The following MTMR7 variants were observed in gnomAD, a reference collection of about 807,000 sequenced individuals.
MTMR7 encodes myotubularin related protein 7, also known as phosphatidylinositol-3-phosphate phosphatase MTMR7.
In MTMR7, 76 loss-of-function variants were observed where a neutral mutation model predicts 81.2. The observed-to-expected ratio is 0.94, with a 90% CI of 0.78 to 1.13. MTMR7 has a LOEUF of 1.13. Among genes scored for constraint, MTMR7 ranks in the 50% most tolerant of loss-of-function variants. MTMR7 has a pLI of 0.00. For missense variants in MTMR7, 1,044 were observed against 820.0 expected (o/e 1.27, Z -3.34); for synonymous variants, 372 against 289.8 (o/e 1.28, Z -2.88).
At chr8:17,379,734 T>C (rs73208997) in intron 1 of MTMR7, among the ~76,000 whole-genome samples, 10,241 of 152,238 alleles carry the variant, frequency 0.067, 411 homozygotes, top group African/African-American at 0.087. Context: ...ACTGTTAGTC[T>C]TTTGGGAAAA....
At position 17,339,732 on chromosome 8, in the gene MTMR7, A is replaced by G. The variant is rs140939811; in HGVS notation, c.732+1631T>C. On this transcript the variant is annotated intron_variant, in intron 6 of 13. Transcript: ENST00000180173. ...TTCACATACAAGTTTTTATGTGGAC[A>G]TAAGTTTTCATTTCTCTTGGTTATA... 1.7e-3 allele frequency among the ~76,000 whole-genome samples: 261 copies of G among 152,366 alleles called. 2 individuals are homozygous for G. The highest frequency in any genetic ancestry group is 5.6e-3 in the African/African-American group (234 of 41,584).
At chr8:17,379,395 G>C (rs1022074072) in intron 1 of MTMR7, among the ~76,000 whole-genome samples, 1 of 152,220 alleles carries the variant, frequency 6.6e-6, no homozygotes, top group South Asian at 2.1e-4. Flanking sequence ...GAAGCAACTG[G>C]CACGTCAAGA....
At chr8:17,334,062 T>A (rs1027264685) in intron 6 of MTMR7, among the ~76,000 whole-genome samples, 2 of 152,252 alleles carry the variant, frequency 1.3e-5, no homozygotes, top group Non-Finnish European at 2.9e-5. Flanking sequence ...CTGGGAGAAC[T>A]GATTGGTAAT....
At chr8:17,332,962 T>A (rs1819089994) in intron 6 of MTMR7, among the ~76,000 whole-genome samples, 1 of 152,204 alleles carries the variant, frequency 6.6e-6, no homozygotes, top group African/African-American at 2.4e-5. Flanking sequence ...GATGCCCCTG[T>A]AATCTTTCAT....
chr8:17,359,297 C>T (rs1819991479), intron 4 of MTMR7, among the ~76,000 whole-genome samples: 1 of 152,064 alleles, frequency 6.6e-6, no homozygotes, highest in Non-Finnish European at 1.5e-5. Context: ...TACCATATAG[C>T]AATGTAGCAA....
intron 7 of MTMR7, among the ~76,000 whole-genome samples, chr8:17,319,688 G>A (rs1333895606): frequency 6.6e-6 from 1 of 152,130 alleles, no homozygotes. Flanking sequence ...TCTTGATTGT[G>A]GAAACCAATG....
chr8:17,302,451 T>TC (rs113855755), intron 12 of MTMR7, 171 bp from the exon 13 acceptor site: 1 of 661,242 alleles, frequency 1.5e-6, no homozygotes. Context: ...ATGTTTTTTT[T>TC]CTTGGGTCAG....
At chr8:17,307,254 A>G (rs1249364464) in intron 10 of MTMR7, among the ~76,000 whole-genome samples, 1 of 152,252 alleles carries the variant, frequency 6.6e-6, no homozygotes, top group African/African-American at 2.4e-5. Context: ...TCAAAAGAAG[A>G]CATTTATGCA....
At chr8:17,339,434 C>A (rs550799128) in intron 6 of MTMR7, among the ~76,000 whole-genome samples, 2 of 152,278 alleles carry the variant, frequency 1.3e-5, no homozygotes, top group South Asian at 4.2e-4. Context: ...CCATTTCTCT[C>A]CCTTCCCCCA....
chr8:17,388,855 T>C (rs1821021804), intron 1 of MTMR7, among the ~76,000 whole-genome samples: 1 of 152,190 alleles, frequency 6.6e-6, no homozygotes, highest in Admixed American at 6.5e-5. Context: ...CATTTACACA[T>C]TCCCATGCCT....
chr8:17,313,157 G>A (rs1033633628), intron 8 of MTMR7, 135 bp downstream of exon 8: 5 of 552,080 alleles, frequency 9.1e-6, no homozygotes, highest in African/African-American at 1.9e-5. Context: ...CACAGACTAC[G>A]GAGCTCTACA....
chr8:17,315,224 G>A (rs1563325306), intron 7 of MTMR7, among the ~76,000 whole-genome samples: 1 of 152,332 alleles, frequency 6.6e-6, no homozygotes, highest in South Asian at 2.1e-4. Flanking sequence ...CTAAGGGAAA[G>A]AAGCCAACTT....
At chr8:17,381,741 A>G (rs1344293197) in intron 1 of MTMR7, among the ~76,000 whole-genome samples, 1 of 152,234 alleles carries the variant, frequency 6.6e-6, no homozygotes, top group Non-Finnish European at 1.5e-5. Flanking sequence ...TCTCTGCAGC[A>G]GCCAAAACCA....
intron 2 of MTMR7, among the ~76,000 whole-genome samples, chr8:17,371,931 T>C (rs2150565656): frequency 6.6e-6 from 1 of 151,322 alleles, no homozygotes; most frequent in Non-Finnish European, 1.5e-5. Context: ...ACATTACTAT[T>C]GAGTATGGTC....
intron 1 of MTMR7, among the ~76,000 whole-genome samples, chr8:17,379,855 G>A (rs1820706727): frequency 6.6e-6 from 1 of 152,128 alleles, no homozygotes; most frequent in Non-Finnish European, 1.5e-5. Context: ...CAGGGATGGA[G>A]TGAACAAATC....
At chr8:17,314,493 T>A (rs1288125655) in intron 7 of MTMR7, among the ~76,000 whole-genome samples, 2 of 152,168 alleles carry the variant, frequency 1.3e-5, no homozygotes, top group Non-Finnish European at 1.5e-5. Flanking sequence ...TGTGAACTCT[T>A]TGAAAGCACT....
chr8:17,377,224 A>C (rs940020671), intron 1 of MTMR7, among the ~76,000 whole-genome samples: 1 of 152,120 alleles, frequency 6.6e-6, no homozygotes, highest in African/African-American at 2.4e-5. Context: ...TTTACACAGA[A>C]ATCTTTAGTA....
intron 6 of MTMR7, among the ~76,000 whole-genome samples, chr8:17,331,893 TG>T (rs1819021289): frequency 6.6e-6 from 1 of 152,178 alleles, no homozygotes; most frequent in Middle Eastern, 3.2e-3. Flanking sequence ...AGAGATCTAT[TG>T]GGCTTTTTGA....
At chr8:17,304,639 A>T in intron 11 of MTMR7, 120 bp from the exon 12 acceptor site, 2 of 989,886 alleles carry the variant, frequency 2.0e-6, no homozygotes, top group South Asian at 1.6e-5. Context: ...TGTCTGTTCG[A>T]TAGCAGGTAA....
Sources: allele counts gnomAD v4.1 joint callset (sites outside exome capture counted in the v4.1 genomes callset), GRCh38; gene constraint gnomAD v4.1.1; transcripts MANE v1.5; gene names NCBI Gene and HGNC (gene_info 2026-07-23, HGNC 2026-07-21).